The following ZGRF1 variants were observed in gnomAD, a reference collection of about 807,000 sequenced individuals.
ZGRF1 encodes the protein 5'-3' DNA helicase ZGRF1.
A neutral mutation model predicts 203.5 loss-of-function variants in ZGRF1; 196 were observed. The observed-to-expected ratio is 0.96, with a 90% CI of 0.86 to 1.08. The LOEUF (loss-of-function observed/expected upper bound fraction) is 1.08. Ranked by LOEUF, ZGRF1 falls within the 50% of genes least tolerant of loss-of-function variation. The pLI is 0.00. For missense variants in ZGRF1, 2,326 were observed against 2,416.3 expected (o/e 0.96, Z 0.78); for synonymous variants, 809 against 841.3 (o/e 0.96, Z 0.66).
At chr4:112,546,425 GAA>G (rs1464622557) in intron 24 of ZGRF1, among the ~76,000 whole-genome samples, 1 of 151,882 alleles carries the variant, frequency 6.6e-6, no homozygotes, top group Admixed American at 6.6e-5. Flanking sequence ...ATGCTGTAAA[GAA>G]AAAAAAGTTT....
chr4:112,574,982 C>T (rs767894416), intron 16 of ZGRF1, among the ~76,000 whole-genome samples: 2 of 151,304 alleles, frequency 1.3e-5, no homozygotes, highest in African/African-American at 4.9e-5. Context: ...ACCTAGATCA[C>T]GCTACTGCAC....
intron 1 of ZGRF1, among the ~76,000 whole-genome samples, chr4:112,635,414 G>A (rs192514047): frequency 1.3e-5 from 2 of 151,848 alleles, no homozygotes; most frequent in African/African-American, 4.8e-5. Flanking sequence ...TGTTTCTGTT[G>A]GCTTTTTAAC....
Position 112,605,333 on chromosome 4 carries a change from G to A in ZGRF1, c.2802+675C>T, listed in dbSNP as rs528273724. On this transcript the variant is annotated intron_variant, in intron 9 of 27. Coordinates refer to ENST00000505019, the MANE Select transcript of ZGRF1 (RefSeq NM_018392.5). ...GTACCACCACACCCAGCTAGTTTTTGTATTTTTAGTAGAAACGGGGTTTTG... is the reference window on the plus strand; with the variant it reads ...GTACCACCACACCCAGCTAGTTTTTATATTTTTAGTAGAAACGGGGTTTTG... Among the ~76,000 whole-genome samples, 5 of 152,268 alleles carry A rather than the reference G, an allele frequency of 3.3e-5. No individual in the cohort carries two copies. The South Asian group carries it at 1.0e-3, about 32-fold the overall frequency.
chr4:112,631,570 G>A (rs1441309912), intron 3 of ZGRF1, among the ~76,000 whole-genome samples: 2 of 152,094 alleles, frequency 1.3e-5, no homozygotes, highest in Non-Finnish European at 2.9e-5. Context: ...TACTTGGGAG[G>A]CTGAGGCAGG....
At chr4:112,574,182 A>G (rs78765665) in intron 16 of ZGRF1, among the ~76,000 whole-genome samples, 6,861 of 152,326 alleles carry the variant, frequency 0.045, 194 homozygotes, top group Non-Finnish European at 0.065. Context: ...AATAATATTC[A>G]TAACACCCTG....
At chr4:112,626,890 C>T (rs2047256827) in intron 3 of ZGRF1, among the ~76,000 whole-genome samples, 1 of 152,154 alleles carries the variant, frequency 6.6e-6, no homozygotes, top group South Asian at 2.1e-4. Context: ...ACTGCAACCT[C>T]CACCTCCCAG....
chr4:112,539,610 T>C lies in ZGRF1; in HGVS notation c.6252A>G (p.Gln2084=). Residue 2084 remains glutamine (Q), a synonymous_variant, in exon 28 of 28, where the codon CAA becomes CAG. Coordinates refer to ENST00000505019, the MANE Select transcript of ZGRF1 (RefSeq NM_018392.5). ...TCTTTTTCTTCTGTTTTTCTTCCACTTGTTTTTCAAAATAATCTTTAAGGA... is the reference window on the plus strand; with the variant it reads ...TCTTTTTCTTCTGTTTTTCTTCCACCTGTTTTTCAAAATAATCTTTAAGGA... The part of the protein sequence containing the change: ...NHLLKDYFEK[Q]VEEKQKKKSE... The C allele has an allele frequency of 1.1e-5, 17 of 1,587,796 alleles. No individual in the cohort carries two copies. The highest frequency in any genetic ancestry group is 1.5e-5 in the Non-Finnish European group (17 of 1,164,470).
In ZGRF1 at chr4:112,558,170, A is replaced by G; in HGVS notation, c.5100T>C (p.Ala1700=). The G allele has an allele frequency of 1.2e-6, 2 of 1,607,234 alleles. No individual in the cohort carries two copies. The highest frequency in any genetic ancestry group is 8.5e-7 in the Non-Finnish European group (1 of 1,177,976). The change falls in exon 20 of 28, where the codon GCT becomes GCC. Residue 1700 remains alanine, a synonymous_variant. Coordinates refer to ENST00000505019, the MANE Select transcript of ZGRF1 (RefSeq NM_018392.5). The part of the protein sequence containing the change: ...KLLISSSTNV[A]VDRVLLGLLS... ...CCTACCCAAGAAGTACTCTGTCAAC[A>G]GCCACATTAGTAGAAGAAGAAATCA...
intron 19 of ZGRF1, 93 bp downstream of exon 19, chr4:112,560,640 C>T (rs183437985): frequency 9.0e-7 from 1 of 1,111,552 alleles, no homozygotes; most frequent in African/African-American, 1.6e-5. Flanking sequence ...ATTCTTGAAC[C>T]TCATTTGACT....
chr4:112,624,091 A>C (rs1388758868), intron 3 of ZGRF1: 5 of 341,768 alleles, frequency 1.5e-5, no homozygotes, highest in Non-Finnish European at 2.7e-5. Flanking sequence ...AATTCGGGCA[A>C]CCCGCTCGGG....
chr4:112,541,390 T>C (rs192888443), intron 24 of ZGRF1, 122 bp from the exon 25 acceptor site: 104 of 423,266 alleles, frequency 2.5e-4, no homozygotes, highest in African/African-American at 2.0e-3. Context: ...ATTACAACCA[T>C]GATAGAATAG....
intron 7 of ZGRF1, 41 bp downstream of exon 7, chr4:112,612,483 T>C (rs1383495340): frequency 7.8e-7 from 1 of 1,274,556 alleles, no homozygotes; most frequent in African/African-American, 1.5e-5. Flanking sequence ...AACATTCTTA[T>C]CAAAATAAAA....
intron 19 of ZGRF1, among the ~76,000 whole-genome samples, chr4:112,559,378 T>C (rs545950457): frequency 6.6e-6 from 1 of 152,246 alleles, no homozygotes; most frequent in Admixed American, 6.5e-5. Flanking sequence ...TTTAAATTTT[T>C]TTGTAGAGAC....
intron 2 of ZGRF1, 133 bp from the exon 3 acceptor site, chr4:112,632,143 A>G: frequency 2.6e-6 from 1 of 377,878 alleles, no homozygotes; most frequent in Non-Finnish European, 4.6e-6. Context: ...CACCCATATC[A>G]ATTTTTTAAA....
At chr4:112,568,293 C>T (rs1028297118) in intron 16 of ZGRF1, among the ~76,000 whole-genome samples, 1 of 151,822 alleles carries the variant, frequency 6.6e-6, no homozygotes, top group African/African-American at 2.4e-5. Flanking sequence ...CATAATGTGC[C>T]CAAGAGGAGA....
chr4:112,569,808 G>A (rs910214086), intron 16 of ZGRF1, among the ~76,000 whole-genome samples: 1 of 151,544 alleles, frequency 6.6e-6, no homozygotes, highest in African/African-American at 2.4e-5. Context: ...CTGTTTATAA[G>A]GAACACCTGT....
At position 112,619,242 on chromosome 4, in the gene ZGRF1, C is replaced by T. The variant is rs1470098345; in HGVS notation, c.800G>A (p.Cys267Tyr). The change falls in exon 6 of 28, where the codon TGT (cysteine) becomes TAT (tyrosine). Residue 267 changes from cysteine (C) to tyrosine (Y), a missense_variant. Physicochemically the swap from Cys to Tyr is radical, Grantham distance 194. Transcript: ENST00000505019. ...ALLKSESSSS[C>Y]EELNSEMTEH... is the part of the protein sequence containing the mutation. Reference sequence around the variant, plus strand: ...TGTCATCTCAGAATTTAGTTCCTCACATGAACTAGATGATTCGGACTTCAG... The same window carrying T: ...TGTCATCTCAGAATTTAGTTCCTCATATGAACTAGATGATTCGGACTTCAG... The T allele has an allele frequency of 6.2e-7, 1 of 1,613,110 alleles. No individual in the cohort carries two copies. Among genetic ancestry groups the T allele is most frequent in the East Asian group, 2.2e-5 (1 of 44,866 alleles).
chr4:112,606,797 G>A (rs1349692738), intron 8 of ZGRF1, among the ~76,000 whole-genome samples: 2 of 152,096 alleles, frequency 1.3e-5, no homozygotes, highest in African/African-American at 2.4e-5. Flanking sequence ...AAGTGTAATT[G>A]ACTATTTGAA....
At chr4:112,552,821 TGTTAGGCTTGGCC>T (rs1740212284) in intron 22 of ZGRF1, among the ~76,000 whole-genome samples, 1 of 152,206 alleles carries the variant, frequency 6.6e-6, no homozygotes, top group Non-Finnish European at 1.5e-5. Context: ...GCCTCACTGA[TGTTAGGCTTGGCC>T]GTGTGACCTG....
Sources: allele counts gnomAD v4.1 joint callset (sites outside exome capture counted in the v4.1 genomes callset), GRCh38; gene constraint gnomAD v4.1.1; transcripts MANE v1.5; gene names NCBI Gene and HGNC (gene_info 2026-07-23, HGNC 2026-07-21).